The following MYO9A variants were observed in gnomAD, a reference collection of about 807,000 sequenced individuals.
MYO9A encodes the protein myosin IXA.
In MYO9A, 103 loss-of-function variants were observed where a neutral mutation model predicts 293.3. The ratio of observed to expected loss-of-function variants is 0.35; its 90% confidence interval spans 0.30 to 0.41. MYO9A has a LOEUF of 0.41. MYO9A is among the 10% of genes least tolerant of loss of function. MYO9A has a pLI of 1.00. For synonymous variants in MYO9A, 1,001 were observed against 1,035.7 expected (o/e 0.97, Z 0.64); for missense variants, 2,685 against 3,033.0 (o/e 0.89, Z 2.69).
intron 1 of MYO9A, among the ~76,000 whole-genome samples, chr15:72,091,455 G>C (rs1285730527): frequency 1.3e-5 from 2 of 151,860 alleles, no homozygotes; most frequent in Admixed American, 6.6e-5. Flanking sequence ...AAATCCTTAA[G>C]ACTACAGTCA....
intron 18 of MYO9A, among the ~76,000 whole-genome samples, chr15:71,924,929 GAAAAAA>G (rs1406175205): frequency 6.6e-6 from 1 of 151,080 alleles, no homozygotes; most frequent in Non-Finnish European, 1.5e-5. Flanking sequence ...AAAAAAAAAA[GAAAAAA>G]AGAAAAAGAA....
chr15:72,115,719 A>G (rs1215750145), intron 1 of MYO9A, among the ~76,000 whole-genome samples: 2 of 152,250 alleles, frequency 1.3e-5, no homozygotes, highest in African/African-American at 4.8e-5. Context: ...TATTATAATC[A>G]TCATCACAGC....
At chr15:72,104,519 A>T (rs1303553091) in intron 1 of MYO9A, among the ~76,000 whole-genome samples, 1 of 152,222 alleles carries the variant, frequency 6.6e-6, no homozygotes, top group African/African-American at 2.4e-5. Context: ...AATGTTCTGT[A>T]TCCTCCCCAG....
intron 18 of MYO9A, among the ~76,000 whole-genome samples, chr15:71,920,911 C>T (rs933676078): frequency 2.0e-5 from 3 of 152,158 alleles, no homozygotes; most frequent in African/African-American, 7.2e-5. Context: ...CACTGCACTC[C>T]AGCCTAGGTG....
Position 71,826,674 on chromosome 15 carries a change from C to G in MYO9A, c.7553G>C (p.Gly2518Ala). 1 of 1,613,950 alleles carries G rather than the reference C, an allele frequency of 6.2e-7. No homozygotes were observed. Among genetic ancestry groups the G allele is most frequent in the Non-Finnish European group, 8.5e-7 (1 of 1,179,948 alleles). Reference protein sequence around the residue: ...SPQKTKETPEGTVMSGRRKTV... With the variant: ...SPQKTKETPEATVMSGRRKTV... The stretch of plus-strand genomic sequence containing the variant: ...TTTTCTGCGGCCAGACATGACTGTC[C>G]CCTCTGGGGTCTCTTTGGTTTTCTG... The change falls in exon 42 of 42, where the codon GGG (glycine) becomes GCG (alanine). Residue 2518 changes from glycine to alanine, a missense_variant. Physicochemically the swap from Gly to Ala is moderately conservative, Grantham distance 60. Coordinates refer to ENST00000356056, the MANE Select transcript of MYO9A (RefSeq NM_006901.4).
At position 72,038,399 on chromosome 15, in the gene MYO9A, G is replaced by A. The variant is rs186476458; in HGVS notation, c.841-5811C>T. Among the ~76,000 whole-genome samples the A allele has an allele frequency of 1.5e-4, 23 of 152,290 alleles. No homozygotes were observed. The East Asian group carries it at 4.2e-3, about 28-fold the overall frequency. ...TATCCACCACGAAAGACCATGTTCT[G>A]GGCCACAAGTCTCAATAACTTTAAG... On this transcript the variant is annotated intron_variant, in intron 2 of 41. Coordinates refer to ENST00000356056, the MANE Select transcript of MYO9A (RefSeq NM_006901.4).
At chr15:71,938,970 G>GA in intron 15 of MYO9A, 43 bp from the exon 16 acceptor site, 2 of 1,434,730 alleles carry the variant, frequency 1.4e-6, no homozygotes, top group Non-Finnish European at 1.9e-6. Flanking sequence ...TCAGTGCAAA[G>GA]AAAAATGAAA....
chr15:72,001,553 CAAAAAAA>C (rs199812533), intron 8 of MYO9A, among the ~76,000 whole-genome samples: 7 of 102,526 alleles, frequency 6.8e-5, no homozygotes, highest in Admixed American at 3.5e-4. Flanking sequence ...GACTCCATCT[CAAAAAAA>C]AAAAAAAAAA....
intron 8 of MYO9A, among the ~76,000 whole-genome samples, chr15:72,000,430 A>G (rs930996209): frequency 1.3e-5 from 2 of 152,182 alleles, no homozygotes; most frequent in Admixed American, 6.5e-5. Flanking sequence ...CTTTTAAGAT[A>G]AAGTTGACAC....
intron 33 of MYO9A, among the ~76,000 whole-genome samples, chr15:71,860,905 T>C (rs1282466169): frequency 7.5e-6 from 1 of 132,976 alleles, no homozygotes; most frequent in South Asian, 2.3e-4. Flanking sequence ...AGGCGGAGGC[T>C]GCAGTGAGCT....
Position 71,897,665 on chromosome 15 carries a change from T to C in MYO9A, c.4838A>G (p.Gln1613Arg). 1 of 1,614,186 alleles carries C rather than the reference T, an allele frequency of 6.2e-7. No homozygotes were observed. The highest frequency in any genetic ancestry group is 8.5e-7 in the Non-Finnish European group (1 of 1,180,024). The change falls in exon 25 of 42, where the codon CAA becomes CGA. Residue 1613 changes from glutamine (Q) to arginine (R), a missense_variant. This residue lies in a region of MYO9A where 1,434 missense variants were observed against 1,497.7 expected (regional missense o/e 0.96). Coordinates refer to ENST00000356056, the MANE Select transcript of MYO9A (RefSeq NM_006901.4). ...GGATAATTCCTTGACAGTACTAGATTGGCATGGACTTCCTTTTCTTTCAAA... is the reference window on the plus strand; with the variant it reads ...GGATAATTCCTTGACAGTACTAGATCGGCATGGACTTCCTTTTCTTTCAAA... Reference protein sequence around the residue: ...VFFERKGSPCQSSTVKELSKT... With the variant: ...VFFERKGSPCRSSTVKELSKT...
intron 1 of MYO9A, 141 bp from the exon 2 acceptor site, chr15:72,046,775 T>G (rs2078397541): frequency 1.1e-5 from 5 of 446,168 alleles, no homozygotes; most frequent in Non-Finnish European, 1.9e-5. Flanking sequence ...AGCAACAGTT[T>G]CATTGAGACC....
intron 39 of MYO9A, among the ~76,000 whole-genome samples, chr15:71,845,599 T>C (rs2055350673): frequency 6.6e-6 from 1 of 152,254 alleles, no homozygotes; most frequent in East Asian, 1.9e-4. Flanking sequence ...TGGGTTCAAC[T>C]GCTGTCACCG....
intron 14 of MYO9A, chr15:71,953,824 G>C (rs2059114253): frequency 6.6e-6 from 1 of 152,200 alleles, no homozygotes; most frequent in South Asian, 2.1e-4. Context: ...TCCCAGGATG[G>C]TTTATATTTT....
intron 1 of MYO9A, among the ~76,000 whole-genome samples, chr15:72,054,606 C>T (rs1173602654): frequency 1.5e-5 from 2 of 136,418 alleles, no homozygotes; most frequent in African/African-American, 2.8e-5. Context: ...AGGAGGCAGA[C>T]GTTGAAGTGA....
chr15:72,069,037 T>A (rs2079103319), intron 1 of MYO9A, among the ~76,000 whole-genome samples: 1 of 152,194 alleles, frequency 6.6e-6, no homozygotes, highest in Non-Finnish European at 1.5e-5. Context: ...ACATCAGCAG[T>A]CCAGCCCTAG....
At chr15:71,944,681 T>C (rs138323949) in intron 15 of MYO9A, among the ~76,000 whole-genome samples, 1 of 130,720 alleles carries the variant, frequency 7.6e-6, no homozygotes, top group Non-Finnish European at 1.7e-5. Flanking sequence ...TCTACTTCTG[T>C]ACTTTGTATT....
intron 39 of MYO9A, among the ~76,000 whole-genome samples, chr15:71,832,257 A>G (rs1313561364): frequency 1.3e-5 from 2 of 152,172 alleles, no homozygotes; most frequent in Non-Finnish European, 2.9e-5. Context: ...GCCTGGGCAA[A>G]TATCAGGACA....
At chr15:71,834,067 T>G (rs992842585) in intron 39 of MYO9A, among the ~76,000 whole-genome samples, 2 of 152,032 alleles carry the variant, frequency 1.3e-5, no homozygotes. Flanking sequence ...TGTAGCTCTT[T>G]GAAGAGGCTA....
Sources: allele counts gnomAD v4.1 joint callset (sites outside exome capture counted in the v4.1 genomes callset), GRCh38; gene constraint gnomAD v4.1.1; regional missense constraint gnomAD v4.1.1; transcripts MANE v1.5; gene names NCBI Gene and HGNC (gene_info 2026-07-23, HGNC 2026-07-21).